The following ZNF679 variants were observed in gnomAD, a reference collection of about 807,000 sequenced individuals.
ZNF679 encodes the protein hypothetical protein MGC42415.
ZNF679 carries 10 observed loss-of-function variants against 13.4 expected under a neutral mutation model. That is an observed-to-expected ratio of 0.75 (90% CI 0.46 to 1.27). ZNF679 has a LOEUF of 1.27. Among genes scored for constraint, ZNF679 ranks in the 50% most tolerant of loss-of-function variants. ZNF679 has a pLI of 0.00. For synonymous variants in ZNF679, 179 were observed against 162.5 expected (o/e 1.10, Z -0.77); for missense variants, 525 against 477.8 (o/e 1.10, Z -0.92).
At chr7:64,264,509 T>C (rs1788119221) in intron 4 of ZNF679, among the ~76,000 whole-genome samples, 1 of 152,176 alleles carries the variant, frequency 6.6e-6, no homozygotes, top group Non-Finnish European at 1.5e-5. Context: ...TTCATCATGT[T>C]ATTTTAAGCG....
intron 4 of ZNF679, 66 bp downstream of exon 4, chr7:64,260,995 C>A: frequency 2.0e-6 from 3 of 1,469,940 alleles, no homozygotes; most frequent in South Asian, 1.3e-5. Context: ...GGAAGCCAGT[C>A]CTTAAAATGT....
intron 2 of ZNF679, among the ~76,000 whole-genome samples, chr7:64,259,896 C>T (rs1158095862): frequency 6.6e-6 from 1 of 151,750 alleles, no homozygotes; most frequent in Non-Finnish European, 1.5e-5. Flanking sequence ...CCACTGCACT[C>T]CACCCTGGGC....
Position 64,266,163 on chromosome 7 carries a change from G to A in ZNF679, c.530G>A (p.Arg177Lys). 6.2e-7 allele frequency: 1 copy of A among 1,600,700 alleles called. No individual in the cohort carries two copies. Among genetic ancestry groups the A allele is most frequent in the Non-Finnish European group, 8.5e-7 (1 of 1,172,168 alleles). ...TCAAATTCCAATAGACATAAGACAA[G>A]ACATACTGGAAAGAAACATTTCAAA... Reference protein sequence around the residue: ...KFSNSNRHKTRHTGKKHFKCK... With the variant: ...KFSNSNRHKTKHTGKKHFKCK... Residue 177 changes from arginine (R) to lysine (K), a missense_variant, in exon 5 of 5, where the codon AGA becomes AAA. Arg to Lys is a conservative substitution (Grantham distance 26, BLOSUM62 2). Transcript: ENST00000421025.
At chr7:64,258,061 G>T (rs1788026040) in intron 2 of ZNF679, among the ~76,000 whole-genome samples, 1 of 152,168 alleles carries the variant, frequency 6.6e-6, no homozygotes, top group Admixed American at 6.5e-5. Flanking sequence ...GTAGGAAGAG[G>T]TCAGTGCGGT....
At chr7:64,233,772 T>TACAG (rs2116507097) in intron 1 of ZNF679, among the ~76,000 whole-genome samples, 1 of 152,228 alleles carries the variant, frequency 6.6e-6, no homozygotes, top group Non-Finnish European at 1.5e-5. Context: ...GGTAGATCCT[T>TACAG]ACAGGCAGTG....
At chr7:64,230,771 T>G (rs1000123796) in intron 1 of ZNF679, among the ~76,000 whole-genome samples, 5 of 151,884 alleles carry the variant, frequency 3.3e-5, no homozygotes, top group Non-Finnish European at 5.9e-5. Context: ...CACTTGAGAG[T>G]TGGGTACAAG....
chr7:64,239,507 AAC>A (rs1787767150), intron 1 of ZNF679, among the ~76,000 whole-genome samples: 1 of 152,186 alleles, frequency 6.6e-6, no homozygotes, highest in Non-Finnish European at 1.5e-5. Flanking sequence ...TTCTGGTCTC[AAC>A]ACACAGATAT....
In ZNF679 at chr7:64,266,421, C is replaced by A. The variant is rs776911911; in HGVS notation, c.788C>A (p.Thr263Asn). Residue 263 changes from threonine (T) to asparagine (N), a missense_variant, in exon 5 of 5, where the codon ACT (threonine) becomes AAT (asparagine). Thr to Asn is a moderately conservative substitution (Grantham distance 65). Transcript: ENST00000421025. ...CTTACTAAACATAGGAGAATTCATA[C>A]TGGAGAAAAACCCTACACATGTGAA... ...STLTKHRRIH[T>N]GEKPYTCEEC... The A allele has an allele frequency of 2.5e-6, 4 of 1,612,912 alleles. No homozygotes were observed. The highest frequency in any genetic ancestry group is 3.4e-6 in the Non-Finnish European group (4 of 1,179,446).
intron 1 of ZNF679, among the ~76,000 whole-genome samples, chr7:64,247,128 G>C (rs10275001): frequency 0.25 from 38,568 of 152,146 alleles, 5,529 homozygotes; most frequent in Non-Finnish European, 0.33. Flanking sequence ...TGATTCCTGA[G>C]GACAATCAGA....
chr7:64,250,379 C>T (rs545562463), intron 2 of ZNF679, among the ~76,000 whole-genome samples: 5 of 137,480 alleles, frequency 3.6e-5, no homozygotes, highest in Non-Finnish European at 7.6e-5. Context: ...AAGTGATTTT[C>T]CTGCCTCAGC....
intron 1 of ZNF679, among the ~76,000 whole-genome samples, chr7:64,236,886 AAG>A (rs1270712466): frequency 7.7e-6 from 1 of 130,626 alleles, no homozygotes; most frequent in African/African-American, 2.6e-5. Flanking sequence ...AAGAGAAAGA[AAG>A]AAAAAAAGAA....
At position 64,266,161 on chromosome 7, in the gene ZNF679, A is replaced by C; in HGVS notation, c.528A>C (p.Thr176=). ...TTTCAAATTCCAATAGACATAAGAC[A>C]AGACATACTGGAAAGAAACATTTCA... ...GKFSNSNRHK[T]RHTGKKHFKC... The change falls in exon 5 of 5, where the codon ACA becomes ACC. Residue 176 remains threonine (T), a synonymous_variant. Coordinates refer to ENST00000421025, the MANE Select transcript of ZNF679 (RefSeq NM_153363.3). 6.2e-7 allele frequency: 1 copy of C among 1,602,138 alleles called. No homozygotes were observed. The highest frequency in any genetic ancestry group is 8.5e-7 in the Non-Finnish European group (1 of 1,172,914).
At chr7:64,231,159 A>G (rs1787633643) in intron 1 of ZNF679, among the ~76,000 whole-genome samples, 1 of 152,218 alleles carries the variant, frequency 6.6e-6, no homozygotes, top group African/African-American at 2.4e-5. Flanking sequence ...TACTACAAGT[A>G]AAAGACCCAG....
chr7:64,247,028 C>A (rs368423861), intron 1 of ZNF679, among the ~76,000 whole-genome samples: 3 of 152,260 alleles, frequency 2.0e-5, no homozygotes, highest in South Asian at 4.1e-4. Flanking sequence ...CATGTAAGGT[C>A]ACTTTCTGAT....
At chr7:64,248,416 G>A (rs184981782) in intron 1 of ZNF679, among the ~76,000 whole-genome samples, 1,629 of 152,134 alleles carry the variant, frequency 0.011, 22 homozygotes, top group Non-Finnish European at 0.018. Context: ...CTGAGTAGCT[G>A]GGACTACAGA....
intron 2 of ZNF679, among the ~76,000 whole-genome samples, chr7:64,259,992 T>C (rs1788053582): frequency 6.6e-6 from 1 of 152,044 alleles, no homozygotes; most frequent in African/African-American, 2.4e-5. Flanking sequence ...ATGCCCTTAA[T>C]TTAATAATTT....
In ZNF679 at chr7:64,266,750, A is replaced by G. The variant is rs932231666; in HGVS notation, c.1117A>G (p.Ile373Val). ...CTCAACTCTTAATACTCATAAGAGG[A>G]TTCATACTGGAGAGGAACCCTACAA... ...FSSTLNTHKR[I>V]HTGEEPYKCE... The change falls in exon 5 of 5, where the codon ATT (isoleucine) becomes GTT (valine). Residue 373 changes from isoleucine to valine, a missense_variant. Coordinates refer to ENST00000421025, the MANE Select transcript of ZNF679 (RefSeq NM_153363.3). The G allele has an allele frequency of 2.7e-5, 44 of 1,611,300 alleles. No individual in the cohort carries two copies. Among genetic ancestry groups the G allele is most frequent in the Non-Finnish European group, 3.6e-5 (42 of 1,178,682 alleles).
chr7:64,254,741 T>C (rs1787981645), intron 2 of ZNF679, among the ~76,000 whole-genome samples: 2 of 151,986 alleles, frequency 1.3e-5, no homozygotes, highest in South Asian at 4.2e-4. Context: ...CTGTGCTGAC[T>C]CCAGGTGGTA....
chr7:64,254,948 T>G (rs570233183), intron 2 of ZNF679, among the ~76,000 whole-genome samples: 1 of 135,154 alleles, frequency 7.4e-6, no homozygotes, highest in Admixed American at 9.4e-5. Context: ...TGCAGTGAGC[T>G]GAGATCATGC....
Sources: allele counts gnomAD v4.1 joint callset (sites outside exome capture counted in the v4.1 genomes callset), GRCh38; gene constraint gnomAD v4.1.1; transcripts MANE v1.5; gene names NCBI Gene and HGNC (gene_info 2026-07-23, HGNC 2026-07-21).